GALNT13: variants seen among roughly 807,000 people sequenced by gnomAD.
GALNT13 encodes polypeptide N-acetylgalactosaminyltransferase 13, also known as UDP-GalNAc:polypeptide N-acetylgalactosaminyltransferase 13.
GALNT13 carries 28 observed loss-of-function variants against 64.2 expected under a neutral mutation model. The observed-to-expected ratio is 0.44, with a 90% CI of 0.32 to 0.60. The LOEUF is 0.60. Ranked by LOEUF, GALNT13 falls within the 20% of genes least tolerant of loss-of-function variation. GALNT13 has a pLI of 0.05. For missense variants in GALNT13, 577 were observed against 669.8 expected (o/e 0.86, Z 1.53); for synonymous variants, 214 against 224.6 (o/e 0.95, Z 0.42).
chr2:154,246,412 A>G (rs1255759509), intron 7 of GALNT13, among the ~76,000 whole-genome samples: 2 of 152,126 alleles, frequency 1.3e-5, no homozygotes, highest in Admixed American at 6.5e-5. Flanking sequence ...TCTTCCTTAT[A>G]GATTCTATAG....
At chr2:153,659,748 G>T in the GALNT13 span, among the ~76,000 whole-genome samples, 1 of 152,048 alleles carries the variant, frequency 6.6e-6, no homozygotes, top group Non-Finnish European at 1.5e-5. Context: ...GACTCTGAGC[G>T]CACTGCCTAT....
Position 154,350,739 on chromosome 2 carries a change from G to A in GALNT13, c.1157-45252G>A, listed in dbSNP as rs555280184. On this transcript the variant is annotated intron_variant, in intron 9 of 12. Transcript: ENST00000392825. The stretch of plus-strand genomic sequence containing the variant: ...TATGCTAGTTTCAGTAATGTGTGGC[G>A]GGGGAAGGTACAGTAGCCCTCATAT... Among the ~76,000 whole-genome samples the A allele has an allele frequency of 9.2e-5, 14 of 152,208 alleles. No homozygotes were observed. In the South Asian group the frequency reaches 1.7e-3, roughly 18 times the overall value.
the GALNT13 span, among the ~76,000 whole-genome samples, chr2:153,188,927 G>A: frequency 2.6e-5 from 4 of 152,000 alleles, no homozygotes; most frequent in Non-Finnish European, 5.9e-5. Context: ...GGGTATTTAG[G>A]TTATACTATC....
At chr2:154,076,695 G>C (rs1050663376) in intron 3 of GALNT13, among the ~76,000 whole-genome samples, 48 of 151,756 alleles carry the variant, frequency 3.2e-4, no homozygotes, top group African/African-American at 1.1e-3. Flanking sequence ...ATATTAACTA[G>C]TTTTAACCTG....
chr2:153,721,171 A>C, the GALNT13 span, among the ~76,000 whole-genome samples: 1 of 148,384 alleles, frequency 6.7e-6, no homozygotes, highest in Admixed American at 6.7e-5. Context: ...ATTCTTAAAG[A>C]AAAGAATTTT....
At chr2:154,321,600 A>G (rs150450752) in intron 9 of GALNT13, among the ~76,000 whole-genome samples, 1 of 152,232 alleles carries the variant, frequency 6.6e-6, no homozygotes, top group East Asian at 1.9e-4. Context: ...CTACCTCTGC[A>G]AAGTAGGGAT....
chr2:153,950,248 T>G (rs1692077814), intron 3 of GALNT13, among the ~76,000 whole-genome samples: 1 of 151,794 alleles, frequency 6.6e-6, no homozygotes, highest in African/African-American at 2.4e-5. Context: ...ATATAAAATT[T>G]TTTCTATAAT....
At chr2:153,085,924 C>T in the GALNT13 span, among the ~76,000 whole-genome samples, 1 of 152,170 alleles carries the variant, frequency 6.6e-6, no homozygotes, top group Non-Finnish European at 1.5e-5. Context: ...GGAGGCTGTG[C>T]CCTGCAAAGC....
the GALNT13 span, among the ~76,000 whole-genome samples, chr2:153,083,958 T>C: frequency 6.6e-6 from 1 of 152,260 alleles, no homozygotes; most frequent in Non-Finnish European, 1.5e-5. Flanking sequence ...TACATGTGGC[T>C]TGCCAATTAT....
At chr2:153,806,616 T>A in the GALNT13 span, among the ~76,000 whole-genome samples, 1 of 150,818 alleles carries the variant, frequency 6.6e-6, no homozygotes, top group Admixed American at 6.6e-5. Context: ...TCAATATCAT[T>A]ATCATGATGT....
At chr2:154,314,759 C>G (rs759606957) in intron 9 of GALNT13, among the ~76,000 whole-genome samples, 2 of 152,108 alleles carry the variant, frequency 1.3e-5, no homozygotes, top group African/African-American at 4.8e-5. Context: ...TGGCACCAAG[C>G]CATTCATGAG....
At position 154,301,525 on chromosome 2, in the gene GALNT13, C is replaced by T. The variant is rs947400026; in HGVS notation, c.1092C>T (p.Asn364=). ...GCACTGGTCATGTCATCAACAAGAA[C>T]AACAGGAGACTGGCAGAAGTTTGGA... is the stretch of plus-strand genomic sequence containing the variant. The part of the protein sequence containing the change: ...PGGTGHVINK[N]NRRLAEVWMD... The change falls in exon 9 of 13, where the codon AAC becomes AAT. Residue 364 remains asparagine, a synonymous_variant. Transcript: ENST00000392825. 5.6e-6 allele frequency: 9 copies of T among 1,613,264 alleles called. No homozygotes were observed. In the African/African-American group the frequency reaches 1.2e-4, roughly 22 times the overall value.
At chr2:153,248,638 G>A in the GALNT13 span, among the ~76,000 whole-genome samples, 32,085 of 150,950 alleles carry the variant, frequency 0.21, 4,016 homozygotes, top group Non-Finnish European at 0.28. Flanking sequence ...ACGGTGAAAC[G>A]CCATCTCTAC....
chr2:153,206,790 T>C, the GALNT13 span, among the ~76,000 whole-genome samples: 1 of 152,106 alleles, frequency 6.6e-6, no homozygotes, highest in Non-Finnish European at 1.5e-5. Flanking sequence ...ATATTTTATG[T>C]GAATTTCTGT....
intron 8 of GALNT13, among the ~76,000 whole-genome samples, chr2:154,264,373 G>C (rs1487154619): frequency 6.6e-6 from 1 of 150,914 alleles, no homozygotes; most frequent in Non-Finnish European, 1.5e-5. Context: ...TGTAATCCCA[G>C]CACTTTGAGA....
At chr2:153,473,648 C>CT in the GALNT13 span, among the ~76,000 whole-genome samples, 1 of 152,188 alleles carries the variant, frequency 6.6e-6, no homozygotes, top group African/African-American at 2.4e-5. Flanking sequence ...GCTGCTTCCA[C>CT]AGGCTTTCAA....
At chr2:153,900,022 G>A (rs1313513651) in intron 1 of GALNT13, among the ~76,000 whole-genome samples, 5 of 142,610 alleles carry the variant, frequency 3.5e-5, no homozygotes, top group African/African-American at 5.2e-5. Flanking sequence ...TGCAACCTCC[G>A]CCTCCTGGGT....
intron 4 of GALNT13, among the ~76,000 whole-genome samples, chr2:154,209,776 T>C (rs1333275784): frequency 6.6e-6 from 1 of 152,184 alleles, no homozygotes; most frequent in African/African-American, 2.4e-5. Context: ...TAAATTGTGA[T>C]CTTTGATATA....
chr2:154,282,934 A>G (rs911175966), intron 8 of GALNT13, among the ~76,000 whole-genome samples: 1 of 152,188 alleles, frequency 6.6e-6, no homozygotes. Flanking sequence ...CAACCAAACA[A>G]CTAAGAAGGC....
Sources: allele counts gnomAD v4.1 joint callset (sites outside exome capture counted in the v4.1 genomes callset), GRCh38; gene constraint gnomAD v4.1.1; transcripts MANE v1.5; gene names NCBI Gene and HGNC (gene_info 2026-07-23, HGNC 2026-07-21).